Variants in CNKSR3 observed in about 807,000 individuals in gnomAD.
CNKSR3 encodes CNKSR family member 3.
Under a neutral mutation model 67.7 loss-of-function variants are expected in CNKSR3, and 36 were observed. That is an observed-to-expected ratio of 0.53 (90% CI 0.41 to 0.70). The LOEUF is 0.70. Among genes scored for constraint, CNKSR3 ranks in the 30% least tolerant of loss-of-function variants. The pLI is 0.00. For missense variants in CNKSR3, 630 were observed against 695.2 expected, an observed-to-expected ratio of 0.91 and a Z score of 1.05; for synonymous variants, 281 against 271.4, an observed-to-expected ratio of 1.04 and a Z score of -0.35.
At chr6:154,502,478 T>G (rs1787019250) in intron 1 of CNKSR3, among the ~76,000 whole-genome samples, 1 of 150,452 alleles carries the variant, frequency 6.6e-6, no homozygotes, top group African/African-American at 2.5e-5. Flanking sequence ...ATTACAGGCG[T>G]GAGCCACCAC....
chr6:154,430,498 G>T lies in CNKSR3; in HGVS notation c.643C>A (p.Pro215Thr), dbSNP rs145627556. Residue 215 changes from proline to threonine, a missense_variant, in exon 6 of 13, where the codon CCA (proline) becomes ACA (threonine). This residue lies in a region of CNKSR3 where 133 missense variants were observed against 190.6 expected (regional missense o/e 0.70). Transcript: ENST00000607772. The stretch of plus-strand genomic sequence containing the variant: ...AGGCCTTCCCCAGGTTTAATGTTTG[G>T]TAAGTGAACTTCCTCCAGACATGCA... ...QCACLEEVHLPNIKPGEGLGM... is the reference protein window; with the variant it reads ...QCACLEEVHLTNIKPGEGLGM... 2.3e-4 allele frequency: 366 copies of T among 1,611,916 alleles called. No homozygotes were observed. In the African/African-American group the frequency reaches 4.0e-3, roughly 18 times the overall value.
At chr6:154,439,875 A>T (rs2128717277) in intron 4 of CNKSR3, among the ~76,000 whole-genome samples, 1 of 152,316 alleles carries the variant, frequency 6.6e-6, no homozygotes, top group Middle Eastern at 3.4e-3. Flanking sequence ...TAAGCAACAG[A>T]GTGAGACCCT....
chr6:154,499,955 A>G (rs889735158), intron 1 of CNKSR3, among the ~76,000 whole-genome samples: 1 of 152,140 alleles, frequency 6.6e-6, no homozygotes, highest in Non-Finnish European at 1.5e-5. Context: ...TTAAATACTT[A>G]TTAGTAACAA....
At chr6:154,481,506 T>C (rs1786566987) in intron 1 of CNKSR3, among the ~76,000 whole-genome samples, 1 of 152,228 alleles carries the variant, frequency 6.6e-6, no homozygotes, top group African/African-American at 2.4e-5. Context: ...AGTCCATCTC[T>C]CCTCGAGAAG....
chr6:154,433,757 A>G (rs1451849210), intron 4 of CNKSR3: 2 of 383,244 alleles, frequency 5.2e-6, no homozygotes, highest in African/African-American at 4.2e-5. Flanking sequence ...CACTTGGCCA[A>G]TTACTTAATT....
rs984839554 is a variant in CNKSR3 at position 154,387,619 on chromosome 6, G to A, written c.*18735C>T. 6.6e-6 allele frequency: 1 copy of A among 152,182 alleles called. No individual in the cohort carries two copies. The highest frequency in any genetic ancestry group is 2.4e-5 in the African/African-American group (1 of 41,444). The allele number at this position is 152,182 out of a possible 1,614,324, so 9.4% of individuals were successfully genotyped here. ...TAGTTCATGGTCCATGATAACCACA[G>A]ATTGCTGCATTTGTAGCCACATGAG... On this transcript the variant is annotated 3_prime_UTR_variant, in exon 13 of 13. Coordinates refer to ENST00000607772, the MANE Select transcript of CNKSR3 (RefSeq NM_173515.4).
At chr6:154,479,518 G>T (rs1319050403) in intron 1 of CNKSR3, among the ~76,000 whole-genome samples, 1 of 152,164 alleles carries the variant, frequency 6.6e-6, no homozygotes, top group Admixed American at 6.5e-5. Flanking sequence ...AAGCACAAAA[G>T]AAAGCGGGGG....
intron 1 of CNKSR3, among the ~76,000 whole-genome samples, chr6:154,494,456 A>C (rs1045608927): frequency 6.6e-6 from 1 of 152,200 alleles, no homozygotes; most frequent in African/African-American, 2.4e-5. Context: ...GGTTTGTTTT[A>C]ATTTTAAAAT....
chr6:154,393,313 T>A lies in CNKSR3; in HGVS notation c.*13041A>T, dbSNP rs1265558566. On this transcript the variant is annotated 3_prime_UTR_variant, in exon 13 of 13. Coordinates refer to ENST00000607772, the MANE Select transcript of CNKSR3 (RefSeq NM_173515.4). ...TGCTAATTTAACCTCATACACATAA[T>A]ATACCAGATCCCACTGATCGTTCTA... 1 of 152,230 alleles carries A rather than the reference T, an allele frequency of 6.6e-6. No individual in the cohort carries two copies. The highest frequency in any genetic ancestry group is 1.9e-4 in the East Asian group (1 of 5,202). The allele number at this position is 152,230 out of a possible 1,614,324, so 9.4% of individuals were successfully genotyped here.
chr6:154,406,958 GA>G (rs5881085), intron 12 of CNKSR3, among the ~76,000 whole-genome samples: 165 of 142,162 alleles, frequency 1.2e-3, no homozygotes, highest in African/African-American at 1.4e-3. Context: ...TCCCCTCCAG[GA>G]AAAAAAAAAA....
intron 5 of CNKSR3, among the ~76,000 whole-genome samples, chr6:154,433,262 T>C (rs998193835): frequency 1.3e-5 from 2 of 152,226 alleles, no homozygotes; most frequent in Non-Finnish European, 2.9e-5. Flanking sequence ...ATGTAGTTAA[T>C]TTAAGCACAG....
intron 9 of CNKSR3, among the ~76,000 whole-genome samples, chr6:154,416,682 G>T (rs1217129720): frequency 6.6e-6 from 1 of 152,066 alleles, no homozygotes; most frequent in Non-Finnish European, 1.5e-5. Flanking sequence ...GAGAAGGGTG[G>T]GTGCCCAGGT....
chr6:154,502,367 T>C (rs1346769717), intron 1 of CNKSR3, among the ~76,000 whole-genome samples: 5 of 151,536 alleles, frequency 3.3e-5, no homozygotes, highest in Non-Finnish European at 5.9e-5. Context: ...AATTTTTTTT[T>C]TTTTTTTTTA....
intron 1 of CNKSR3, among the ~76,000 whole-genome samples, chr6:154,508,141 G>A (rs1410506323): frequency 6.6e-6 from 1 of 152,148 alleles, no homozygotes; most frequent in South Asian, 2.1e-4. Flanking sequence ...CTGTCCAATA[G>A]AAATATAATG....
chr6:154,442,891 T>A (rs1171206989), intron 2 of CNKSR3, among the ~76,000 whole-genome samples: 4 of 144,414 alleles, frequency 2.8e-5, no homozygotes, highest in African/African-American at 5.2e-5. Flanking sequence ...TTTTTTATTT[T>A]TTTTATTTTA....
Position 154,433,597 on chromosome 6 carries a change from G to A in CNKSR3, c.508-90C>T. 8 of 950,062 alleles carry A rather than the reference G, an allele frequency of 8.4e-6. No homozygotes were observed. The South Asian group carries it at 1.1e-4, about 13-fold the overall frequency. The allele number at this position is 950,062 out of a possible 1,614,324, so 58.9% of individuals were successfully genotyped here. On this transcript the variant is annotated intron_variant, in intron 4 of 12. Coordinates refer to ENST00000607772, the MANE Select transcript of CNKSR3 (RefSeq NM_173515.4). ...CCTAGCTTTCTAGACATTTTCTGCA[G>A]CTCAAGACGGTCCCTGACACACCCG...
intron 5 of CNKSR3, among the ~76,000 whole-genome samples, chr6:154,432,827 A>G (rs1785395455): frequency 6.6e-6 from 1 of 152,228 alleles, no homozygotes; most frequent in African/African-American, 2.4e-5. Flanking sequence ...TTCAAAATTA[A>G]ACAACCAAAG....
intron 2 of CNKSR3, among the ~76,000 whole-genome samples, chr6:154,446,915 C>T (rs1785718665): frequency 6.6e-6 from 1 of 151,468 alleles, no homozygotes; most frequent in Non-Finnish European, 1.5e-5. Flanking sequence ...CGCCATTCTC[C>T]TGCCTCAGCC....
At chr6:154,444,113 C>T (rs73574943) in intron 2 of CNKSR3, among the ~76,000 whole-genome samples, 6,199 of 152,120 alleles carry the variant, frequency 0.041, 280 homozygotes, top group African/African-American at 0.11. Flanking sequence ...AAAAACATGA[C>T]GATATTTCTT....
Sources: gnomAD v4.1 joint callset for allele counts (sites outside exome capture counted in the v4.1 genomes callset) on GRCh38, gnomAD v4.1.1 for gene constraint, gnomAD v4.1.1 regional missense constraint, MANE v1.5 for transcripts, NCBI Gene and HGNC (gene_info 2026-07-23, HGNC 2026-07-21) for gene names.